The following LARP4B variants were observed in gnomAD, a reference collection of about 807,000 sequenced individuals.
LARP4B encodes the protein La ribonucleoprotein 4B.
A neutral mutation model predicts 89.8 loss-of-function variants in LARP4B; 12 were observed. That is an observed-to-expected ratio of 0.13 (90% CI 0.09 to 0.22). The LOEUF is 0.22. Ranked by LOEUF, LARP4B falls within the 10% of genes least tolerant of loss-of-function variation. The probability of loss-of-function intolerance (pLI) is 1.00; values close to 1 mark genes in which losing one functional copy is unlikely to be tolerated. For synonymous variants in LARP4B, 367 were observed against 363.3 expected (o/e 1.01, Z -0.12); for missense variants, 757 against 947.7 (o/e 0.80, Z 2.64).
chr10:959,853 G>C, the LARP4B span, among the ~76,000 whole-genome samples: 53 of 90,068 alleles, frequency 5.9e-4, no homozygotes, highest in Non-Finnish European at 6.2e-4. Flanking sequence ...CCACCTCCTC[G>C]TCAATCCACC....
intron 1 of LARP4B, among the ~76,000 whole-genome samples, chr10:908,607 G>A (rs1488276769): frequency 1.3e-5 from 2 of 152,230 alleles, no homozygotes; most frequent in Non-Finnish European, 1.5e-5. Context: ...GGTGTCTGCT[G>A]TAAAACTGAT....
chr10:978,400 C>T, the LARP4B span, among the ~76,000 whole-genome samples: 4 of 152,124 alleles, frequency 2.6e-5, no homozygotes, highest in African/African-American at 9.7e-5. Flanking sequence ...ATTTATTGTA[C>T]TTATTAACAC....
At position 843,005 on chromosome 10, in the gene LARP4B, G is replaced by A; in HGVS notation, c.573C>T (p.Ile191=). ...TGTGGTCGAGGTTAGCCACCGTTGT[G>A]ATTGGCACATACTGGTCACTATCCA... ...SQMDSDQYVP[I]TTVANLDHIK... is the part of the protein sequence containing the mutation. Residue 191 remains isoleucine, a synonymous_variant, in exon 7 of 18, where the codon ATC becomes ATT. Transcript: ENST00000316157. The A allele has an allele frequency of 6.2e-7, 1 of 1,613,990 alleles. No individual in the cohort carries two copies. Among genetic ancestry groups the A allele is most frequent in the Non-Finnish European group, 8.5e-7 (1 of 1,179,832 alleles).
At chr10:849,966 G>T (rs1035350285) in intron 5 of LARP4B, among the ~76,000 whole-genome samples, 2 of 152,182 alleles carry the variant, frequency 1.3e-5, no homozygotes, top group African/African-American at 4.8e-5. Flanking sequence ...CTAAGGAGAC[G>T]TAACAATGAA....
At chr10:929,815 G>A (rs1386101229) in intron 1 of LARP4B, among the ~76,000 whole-genome samples, 2 of 151,938 alleles carry the variant, frequency 1.3e-5, no homozygotes, top group Admixed American at 6.6e-5. Context: ...TCAAAATACC[G>A]GATAAAATTT....
chr10:956,926 T>C, the LARP4B span, among the ~76,000 whole-genome samples: 1 of 152,308 alleles, frequency 6.6e-6, no homozygotes, highest in East Asian at 1.9e-4. The surrounding 1 kb of genome is among the most constrained non-coding windows in gnomAD (Gnocchi z 4.3). Context: ...AGGCAGACAC[T>C]GAAGAAGAGC....
At chr10:830,015 C>T (rs1164139455) in intron 9 of LARP4B, among the ~76,000 whole-genome samples, 2 of 152,130 alleles carry the variant, frequency 1.3e-5, no homozygotes, top group Admixed American at 6.5e-5. Context: ...TGGCTAAGAA[C>T]CTTGACCTGG....
At position 815,039 on chromosome 10, in the gene LARP4B, A is replaced by T; in HGVS notation, c.1727T>A (p.Leu576His). The T allele has an allele frequency of 6.2e-7, 1 of 1,603,650 alleles. No individual in the cohort carries two copies. Among genetic ancestry groups the T allele is most frequent in the South Asian group, 1.1e-5 (1 of 90,030 alleles). Residue 576 changes from leucine (L) to histidine (H), a missense_variant, in exon 16 of 18, where the codon CTT becomes CAT. Coordinates refer to ENST00000316157, the MANE Select transcript of LARP4B (RefSeq NM_015155.3). Reference sequence around the variant, plus strand: ...GGGCTCTCTGGAGACCACTACAGGAAGGGTGTTCACGCTTGCGTCTGCACT... The same window carrying T: ...GGGCTCTCTGGAGACCACTACAGGATGGGTGTTCACGCTTGCGTCTGCACT... ...TLSADASVNT[L>H]PVVVSREPSV...
intron 1 of LARP4B, among the ~76,000 whole-genome samples, chr10:913,062 T>C (rs2132026165): frequency 6.9e-6 from 1 of 145,742 alleles, no homozygotes; most frequent in Non-Finnish European, 1.6e-5. Context: ...AATTCCTGAC[T>C]ATCCCTTTTT....
chr10:821,570 C>A (rs1415035459), intron 13 of LARP4B, among the ~76,000 whole-genome samples: 2 of 152,222 alleles, frequency 1.3e-5, no homozygotes, highest in Admixed American at 6.5e-5. Context: ...TGTGGTCTAA[C>A]AAGTCACATG....
intron 1 of LARP4B, among the ~76,000 whole-genome samples, chr10:909,846 T>A (rs901363308): frequency 2.0e-5 from 3 of 152,140 alleles, no homozygotes; most frequent in African/African-American, 7.2e-5. Context: ...GGTTTACTAT[T>A]CCAAATGACA....
intron 14 of LARP4B, chr10:820,110 T>C (rs147864212): frequency 6.6e-6 from 1 of 151,784 alleles, no homozygotes; most frequent in Non-Finnish European, 1.5e-5. Context: ...ACTGCCACCG[T>C]GCCATCCCTC....
intron 8 of LARP4B, among the ~76,000 whole-genome samples, chr10:835,866 G>C (rs1163448841): frequency 1.3e-5 from 2 of 151,678 alleles, no homozygotes; most frequent in African/African-American, 4.8e-5. Flanking sequence ...CTGGGAGATG[G>C]AGTTTGCAGT....
Position 864,174 on chromosome 10 carries a change from T to G in LARP4B, c.238A>C (p.Ser80Arg). 6.2e-7 allele frequency: 1 copy of G among 1,614,202 alleles called. No homozygotes were observed. The highest frequency in any genetic ancestry group is 1.1e-5 in the South Asian group (1 of 91,082). The change falls in exon 4 of 18, where the codon AGT (serine) becomes CGT (arginine). Residue 80 changes from serine to arginine, a missense_variant. Coordinates refer to ENST00000316157, the MANE Select transcript of LARP4B (RefSeq NM_015155.3). Reference sequence around the variant, plus strand: ...CCAGCCACCTCCTCCCATGCAGCACTCACACCGTCAGCAGCACTGCTTGCT... The same window carrying G: ...CCAGCCACCTCCTCCCATGCAGCACGCACACCGTCAGCAGCACTGCTTGCT... The part of the protein sequence containing the change: ...LEASSAADGV[S>R]AAWEEVAGHH...
chr10:922,348 C>G (rs1837004356), intron 1 of LARP4B, among the ~76,000 whole-genome samples: 1 of 152,164 alleles, frequency 6.6e-6, no homozygotes, highest in African/African-American at 2.4e-5. Flanking sequence ...GTCGGACAAC[C>G]TGGGAGTTAG....
intron 5 of LARP4B, 56 bp downstream of exon 5, chr10:863,687 A>C: frequency 6.6e-7 from 1 of 1,510,850 alleles, no homozygotes; most frequent in Non-Finnish European, 8.9e-7. Flanking sequence ...TAAATAAAAA[A>C]AATAAATAAA....
chr10:864,192 T>C lies in LARP4B; in HGVS notation c.220A>G (p.Ser74Gly), dbSNP rs780461324. The change falls in exon 4 of 18, where the codon AGT (serine) becomes GGT (glycine). Residue 74 changes from serine (S) to glycine (G), a missense_variant. This residue lies in a region of LARP4B where 175 missense variants were observed against 187.0 expected (regional missense o/e 0.94). Coordinates refer to ENST00000316157, the MANE Select transcript of LARP4B (RefSeq NM_015155.3). ...GCAGCACTCACACCGTCAGCAGCAC[T>C]GCTTGCTTCCAGATGTAACACAGGA... is the stretch of plus-strand genomic sequence containing the variant. ...GAPVLHLEAS[S>G]AADGVSAAWE... 6.2e-7 allele frequency: 1 copy of C among 1,614,228 alleles called. No homozygotes were observed. Among genetic ancestry groups the C allele is most frequent in the Admixed American group, 1.7e-5 (1 of 60,030 alleles).
the LARP4B span, among the ~76,000 whole-genome samples, chr10:976,974 C>T: frequency 7.5e-4 from 114 of 151,932 alleles, no homozygotes; most frequent in South Asian, 3.5e-3. Context: ...TGTGTGGACC[C>T]GGCCTAGTAG....
intron 3 of LARP4B, among the ~76,000 whole-genome samples, chr10:868,254 C>T (rs1835017048): frequency 1.3e-5 from 2 of 151,926 alleles, no homozygotes; most frequent in Admixed American, 1.3e-4. Flanking sequence ...CAAGCACCAA[C>T]CACTCCTACA....
Sources: allele counts gnomAD v4.1 joint callset (sites outside exome capture counted in the v4.1 genomes callset), GRCh38; gene constraint gnomAD v4.1.1; regional missense constraint gnomAD v4.1.1; non-coding constraint Gnocchi (gnomAD v3.1); transcripts MANE v1.5; gene names NCBI Gene and HGNC (gene_info 2026-07-23, HGNC 2026-07-21).